Variants in OPHN1 observed in about 807,000 individuals in gnomAD.
OPHN1 encodes oligophrenin-1.
Under a neutral mutation model 60.7 loss-of-function variants are expected in OPHN1, and 11 were observed. The observed-to-expected ratio is 0.18, with a 90% CI of 0.11 to 0.30. The LOEUF is 0.30. OPHN1 is among the 10% of genes least tolerant of loss of function. The pLI is 1.00. For missense variants in OPHN1, 449 were observed against 611.0 expected (o/e 0.73, Z 2.80); for synonymous variants, 226 against 222.6 (o/e 1.02, Z -0.14).
At chrX:68,340,655 T>C (rs2078346699) in intron 2 of OPHN1, among the ~76,000 whole-genome samples, 1 of 111,480 alleles carries the variant, frequency 9.0e-6, no homozygotes, top group African/African-American at 3.3e-5. Flanking sequence ...AATGATTTCA[T>C]AGGTATGACA....
At chrX:68,186,943 G>C (rs920826837) in intron 15 of OPHN1, among the ~76,000 whole-genome samples, 1 of 111,881 alleles carries the variant, frequency 8.9e-6, no homozygotes, top group African/African-American at 3.3e-5. Flanking sequence ...CATATAAATG[G>C]GGGAGGAAGT....
At chrX:68,365,206 G>A (rs1466895345) in intron 2 of OPHN1, among the ~76,000 whole-genome samples, 1 of 110,396 alleles carries the variant, frequency 9.1e-6, no homozygotes, top group Non-Finnish European at 1.9e-5. Flanking sequence ...CTCTTCAAAA[G>A]AGTCATTCAA....
chrX:68,200,457 T>A (rs2077530614), intron 11 of OPHN1, among the ~76,000 whole-genome samples: 1 of 111,273 alleles, frequency 9.0e-6, no homozygotes. Context: ...GGGATATTAT[T>A]TGCAAAAAAG....
At chrX:68,295,733 T>A (rs762133595) in intron 3 of OPHN1, among the ~76,000 whole-genome samples, 1 of 112,026 alleles carries the variant, frequency 8.9e-6, no homozygotes, top group South Asian at 3.7e-4. Context: ...CTAGAGCTGA[T>A]CGTCAGGGGG....
At chrX:68,308,256 G>A (rs367860830) in intron 2 of OPHN1, among the ~76,000 whole-genome samples, 1 of 111,990 alleles carries the variant, frequency 8.9e-6, no homozygotes, top group African/African-American at 3.2e-5. Flanking sequence ...TGGCTTGTGG[G>A]GGGATTAAAA....
chrX:68,168,946 T>C (rs2077374494), intron 15 of OPHN1, among the ~76,000 whole-genome samples: 1 of 111,161 alleles, frequency 9.0e-6, no homozygotes, highest in Admixed American at 9.6e-5. Context: ...CACCCAAGAC[T>C]AAACCAGGAA....
At chrX:68,057,058 T>C (rs1211852677) in intron 21 of OPHN1, among the ~76,000 whole-genome samples, 1 of 111,677 alleles carries the variant, frequency 9.0e-6, no homozygotes, top group African/African-American at 3.3e-5. Context: ...CAGAAAGTAT[T>C]ATCTCCGTTC....
intron 2 of OPHN1, among the ~76,000 whole-genome samples, chrX:68,387,192 C>CTG (rs1298673884): frequency 1.9e-5 from 1 of 51,395 alleles, no homozygotes; most frequent in Non-Finnish European, 4.3e-5. Flanking sequence ...TTTTCTCTTT[C>CTG]TTTCTGTTTC....
rs773668099 is a variant in OPHN1 at position 68,134,544 on chromosome X, G to A, written c.1277-15212C>T. ...AGCCTTAAAATACTCACATGGAGTC[G>A]GCGCTCACCTCATTCACACAATCAT... On this transcript the variant is annotated intron_variant, in intron 15 of 24. Coordinates refer to ENST00000355520, the MANE Select transcript of OPHN1 (RefSeq NM_002547.3). Among the ~76,000 whole-genome samples, 150 of 111,100 alleles carry A rather than the reference G, an allele frequency of 1.4e-3. 1 individual carries two copies. The highest frequency in any genetic ancestry group is 4.7e-3 in the African/African-American group (144 of 30,562).
chrX:68,163,049 C>T (rs1927232), intron 15 of OPHN1, among the ~76,000 whole-genome samples: 38,559 of 109,871 alleles, frequency 0.35, 5,544 homozygotes, highest in African/African-American at 0.52. Flanking sequence ...AATAGGCTTT[C>T]GCGAACTCCA....
chrX:68,341,680 T>A (rs990731568), intron 2 of OPHN1, among the ~76,000 whole-genome samples: 1 of 109,308 alleles, frequency 9.1e-6, no homozygotes, highest in African/African-American at 3.3e-5. Flanking sequence ...CAAAAAAATA[T>A]ATAAAAAATT....
chrX:68,044,464 G>A lies in OPHN1; in HGVS notation c.*2708C>T, dbSNP rs775472360. The A allele has an allele frequency of 8.9e-6, 1 of 112,728 alleles. No homozygotes were observed. The highest frequency in any genetic ancestry group is 2.8e-4 in the East Asian group (1 of 3,578). The allele number at this position is 112,728 out of a possible 1,213,427, so 9.3% of individuals were successfully genotyped here. On this transcript the variant is annotated 3_prime_UTR_variant, in exon 25 of 25. Transcript: ENST00000355520. ...GTGCTTAATAAATGTTAGGTTCTTT[G>A]TTATCCCTGCCAGTTCATCACTTTC...
intron 15 of OPHN1, among the ~76,000 whole-genome samples, chrX:68,130,239 T>C (rs1227896191): frequency 9.0e-6 from 1 of 111,544 alleles, no homozygotes; most frequent in Non-Finnish European, 1.9e-5. Flanking sequence ...CTACTAGCTA[T>C]TTCAGGCCAG....
intron 2 of OPHN1, among the ~76,000 whole-genome samples, chrX:68,383,203 AAGG>A (rs2078606606): frequency 9.0e-6 from 1 of 110,892 alleles, no homozygotes; most frequent in African/African-American, 3.3e-5. Context: ...ATCAGAAATG[AAGG>A]AGGAGAAAAA....
chrX:68,111,377 T>C (rs1371624223), intron 18 of OPHN1, among the ~76,000 whole-genome samples: 1 of 112,489 alleles, frequency 8.9e-6, no homozygotes, highest in Non-Finnish European at 1.9e-5. Flanking sequence ...CCGCTGTCTG[T>C]TACTGCCAGC....
intron 3 of OPHN1, among the ~76,000 whole-genome samples, chrX:68,287,156 G>GAAAGAAAGAAAGAAAGAAA (rs2078045926): frequency 1.4e-5 from 1 of 72,902 alleles, no homozygotes; most frequent in African/African-American, 7.4e-5. Flanking sequence ...GAAGAAAGAA[G>GAAAGAAAGAAAGAAAGAAA]GAAAGAAAGA....
intron 15 of OPHN1, among the ~76,000 whole-genome samples, chrX:68,184,161 G>A (rs1165851274): frequency 3.6e-5 from 4 of 111,549 alleles, no homozygotes; most frequent in African/African-American, 6.5e-5. Context: ...AAACCTGCAC[G>A]TTGTGCACAT....
At chrX:68,217,405 C>A (rs750705106) in intron 6 of OPHN1, among the ~76,000 whole-genome samples, 2 of 112,181 alleles carry the variant, frequency 1.8e-5, no homozygotes, top group Non-Finnish European at 3.8e-5. Context: ...AGCCAGGAAG[C>A]TCGAACTGGG....
At chrX:68,399,201 C>A (rs941394402) in intron 2 of OPHN1, among the ~76,000 whole-genome samples, 10 of 111,276 alleles carry the variant, frequency 9.0e-5, no homozygotes, top group African/African-American at 2.3e-4. Flanking sequence ...TCCATCTCCA[C>A]CCTCATCCAA....
Sources: allele counts gnomAD v4.1 joint callset (sites outside exome capture counted in the v4.1 genomes callset), GRCh38; gene constraint gnomAD v4.1.1; transcripts MANE v1.5; gene names NCBI Gene and HGNC (gene_info 2026-07-23, HGNC 2026-07-21).